Variants in PSMC1 observed in about 807,000 individuals in gnomAD.
PSMC1 encodes the protein proteasome 26S subunit, ATPase 1.
A neutral mutation model predicts 49.8 loss-of-function variants in PSMC1; 5 were observed. The observed-to-expected ratio is 0.10, with a 90% CI of 0.05 to 0.21. The LOEUF (loss-of-function observed/expected upper bound fraction) is 0.21, where lower values mean the gene tolerates loss of function less well. PSMC1 is among the 10% of genes least tolerant of loss of function. The pLI is 1.00. For missense variants in PSMC1, 181 were observed against 535.7 expected, an observed-to-expected ratio of 0.34 and a Z score of 6.54; for synonymous variants, 155 against 192.1, an observed-to-expected ratio of 0.81 and a Z score of 1.60.
chr14:90,256,701 G>T, intron 1 of PSMC1, 101 bp downstream of exon 1: 1 of 1,516,634 alleles, frequency 6.6e-7, no homozygotes, highest in Non-Finnish European at 9.0e-7. Flanking sequence ...AACTGGGACA[G>T]CCCTCTTCTC....
intron 3 of PSMC1, among the ~76,000 whole-genome samples, chr14:90,261,425 T>G (rs1033202363): frequency 4.6e-5 from 7 of 152,332 alleles, no homozygotes; most frequent in African/African-American, 1.7e-4. Context: ...TGGTATGGTA[T>G]TGGTACAGAA....
intron 9 of PSMC1, chr14:90,269,984 A>G (rs1233222790): frequency 1.1e-4 from 58 of 545,100 alleles, no homozygotes; most frequent in Non-Finnish European, 6.3e-6. Flanking sequence ...GAAGGTACCA[A>G]AGCAGAGAGA....
At chr14:90,258,377 G>T (rs1249620739) in intron 1 of PSMC1, among the ~76,000 whole-genome samples, 1 of 152,178 alleles carries the variant, frequency 6.6e-6, no homozygotes, top group East Asian at 1.9e-4. Flanking sequence ...AGAAGTGTTG[G>T]TGTATTAATT....
intron 1 of PSMC1, among the ~76,000 whole-genome samples, chr14:90,258,037 G>A (rs1414480009): frequency 6.6e-6 from 1 of 152,200 alleles, no homozygotes; most frequent in Non-Finnish European, 1.5e-5. Context: ...CACAGTAAGT[G>A]GCTGTGCTGG....
Position 90,272,306 on chromosome 14 carries a change from A to C in PSMC1, c.1222A>C (p.Arg408=). 6.2e-7 allele frequency: 1 copy of C among 1,604,194 alleles called. No individual in the cohort carries two copies. The highest frequency in any genetic ancestry group is 1.3e-5 in the African/African-American group (1 of 74,324). Reference sequence around the variant, plus strand: ...TACAGAAGCTGGTCTGATGGCCTTAAGAGAACGTAGAATGAAAGTAACAAA... The same window carrying C: ...TACAGAAGCTGGTCTGATGGCCTTACGAGAACGTAGAATGAAAGTAACAAA... ...ICTEAGLMAL[R]ERRMKVTNED... Residue 408 remains arginine, a synonymous_variant, in exon 11 of 11, where the codon AGA becomes CGA. Coordinates refer to ENST00000261303, the MANE Select transcript of PSMC1 (RefSeq NM_002802.3). This position sits in a 1 kb window ranked among gnomAD's most constrained non-coding sequence, Gnocchi z 4.5.
chr14:90,263,807 A>T lies in PSMC1; in HGVS notation c.425A>T (p.Asp142Val). 6.2e-7 allele frequency: 1 copy of T among 1,614,166 alleles called. No homozygotes were observed. The highest frequency in any genetic ancestry group is 8.5e-7 in the Non-Finnish European group (1 of 1,179,990). Reference sequence around the variant, plus strand: ...AGCATTCTTTCATTTGTAGACAAGGATCTGCTGGAACCTGGCTGCTCGGTC... The same window carrying T: ...AGCATTCTTTCATTTGTAGACAAGGTTCTGCTGGAACCTGGCTGCTCGGTC... ...YVSILSFVDK[D>V]LLEPGCSVLL... The change falls in exon 5 of 11, where the codon GAT becomes GTT. Residue 142 changes from aspartate to valine, a missense_variant. By Grantham distance (152) the Asp-to-Val change is radical (BLOSUM62 -3). This residue lies in a region of PSMC1 where 121 missense variants were observed against 358.6 expected (regional missense o/e 0.34). Transcript: ENST00000261303.
Position 90,262,232 on chromosome 14 carries a change from G to A in PSMC1, c.155-1086G>A, listed in dbSNP as rs543503029. On this transcript the variant is annotated intron_variant, in intron 3 of 10. Coordinates refer to ENST00000261303, the MANE Select transcript of PSMC1 (RefSeq NM_002802.3). ...TTAATGAGTGCAGCACACCAACATGGCACATGTATGCATATGTAACAAACC... is the reference window on the plus strand; with the variant it reads ...TTAATGAGTGCAGCACACCAACATGACACATGTATGCATATGTAACAAACC... Among the ~76,000 whole-genome samples, 51 of 150,162 alleles carry A rather than the reference G, an allele frequency of 3.4e-4. No individual in the cohort carries two copies. In the Middle Eastern group the frequency reaches 0.01, roughly 30 times the overall value.
chr14:90,259,683 A>G (rs1891359578), intron 2 of PSMC1, among the ~76,000 whole-genome samples: 1 of 152,186 alleles, frequency 6.6e-6, no homozygotes, highest in African/African-American at 2.4e-5. Context: ...GTGCAGTGGC[A>G]TGATCTCGGC....
At chr14:90,269,127 C>CT (rs1233685228) in intron 8 of PSMC1, 8 of 400,058 alleles carry the variant, frequency 2.0e-5, no homozygotes, top group African/African-American at 1.6e-4. Context: ...GTATAAGGCT[C>CT]TGCCTCATGC....
chr14:90,258,548 T>A (rs577785077), intron 1 of PSMC1, among the ~76,000 whole-genome samples: 4 of 152,314 alleles, frequency 2.6e-5, no homozygotes, highest in African/African-American at 7.2e-5. Flanking sequence ...GGAATCCCAC[T>A]GAGTTTATTA....
At chr14:90,271,971 T>C (rs4904666) in intron 10 of PSMC1, 80,085 of 225,624 alleles carry the variant, frequency 0.35, 15,149 homozygotes, top group East Asian at 0.49. Flanking sequence ...CGGCTCACTG[T>C]AACCTCTGCC....
At position 90,272,209 on chromosome 14, in the gene PSMC1, TGGAA is replaced by T; in HGVS notation, c.1189-63_1189-60del. The stretch of plus-strand genomic sequence containing the variant: ...GCGCCTGGCCTCAGAATAGGTTTTT[TGGAA>T]TTCCTTGTTAGAATAAAAATGAGTA... On this transcript the variant is annotated intron_variant, in intron 10 of 10. Coordinates refer to ENST00000261303, the MANE Select transcript of PSMC1 (RefSeq NM_002802.3). The surrounding 1 kb of genome is among the most constrained non-coding windows in gnomAD (Gnocchi z 4.5). 6.3e-7 allele frequency: 1 copy of T among 1,579,398 alleles called. No individual in the cohort carries two copies. Among genetic ancestry groups the T allele is most frequent in the Admixed American group, 1.9e-5 (1 of 52,082 alleles).
intron 3 of PSMC1, among the ~76,000 whole-genome samples, chr14:90,262,303 T>C (rs1016210682): frequency 6.6e-6 from 1 of 151,636 alleles, no homozygotes; most frequent in African/African-American, 2.4e-5. Flanking sequence ...ATAATAATAA[T>C]AAAATTAAAA....
At chr14:90,261,177 T>C (rs1397312601) in intron 3 of PSMC1, among the ~76,000 whole-genome samples, 2 of 152,222 alleles carry the variant, frequency 1.3e-5, no homozygotes, top group Admixed American at 6.5e-5. Flanking sequence ...TTTGTACATA[T>C]CAGGGCCTTT....
At chr14:90,257,168 T>A (rs1308943464) in intron 1 of PSMC1, among the ~76,000 whole-genome samples, 2 of 151,618 alleles carry the variant, frequency 1.3e-5, no homozygotes, top group Admixed American at 6.6e-5. Flanking sequence ...TAGCATTTAT[T>A]CATCAATTCA....
intron 9 of PSMC1, 146 bp from the exon 10 acceptor site, chr14:90,270,052 G>T (rs1393209204): frequency 1.2e-6 from 1 of 801,574 alleles, no homozygotes; most frequent in African/African-American, 1.7e-5. Context: ...AAAAATATAT[G>T]TTTACTTTTT....
intron 9 of PSMC1, 86 bp from the exon 10 acceptor site, chr14:90,270,112 T>A (rs1241000300): frequency 2.1e-6 from 3 of 1,399,254 alleles, no homozygotes; most frequent in Non-Finnish European, 2.9e-6. Flanking sequence ...AAACTTCGTA[T>A]GTAAGGAGAT....
rs60505372 is a variant in PSMC1, at chr14:90,273,385, C to CCATCAT, written c.*982_*983insATCATC. On this transcript the variant is annotated 3_prime_UTR_variant, in exon 11 of 11. Coordinates refer to ENST00000261303, the MANE Select transcript of PSMC1 (RefSeq NM_002802.3). ...CCAGCCTGGCCAACATGGTGAAACC[C>CCATCAT]CATCTTTACTAAAAATACAAAAATT... 1 of 151,658 alleles carries CCATCAT rather than the reference C, an allele frequency of 6.6e-6. No individual in the cohort carries two copies. Among genetic ancestry groups the CCATCAT allele is most frequent in the Non-Finnish European group, 1.5e-5 (1 of 67,888 alleles). The allele number at this position is 151,658 out of a possible 1,614,324, so 9.4% of individuals were successfully genotyped here.
chr14:90,267,311 G>T (rs1022953643), intron 7 of PSMC1, among the ~76,000 whole-genome samples: 47 of 151,946 alleles, frequency 3.1e-4, no homozygotes, highest in African/African-American at 1.1e-3. Context: ...ACAGGCATGT[G>T]CTGGCTAATA....
Sources: gnomAD v4.1 joint callset for allele counts (sites outside exome capture counted in the v4.1 genomes callset) on GRCh38, gnomAD v4.1.1 for gene constraint, gnomAD v4.1.1 regional missense constraint, Gnocchi (gnomAD v3.1) non-coding constraint, MANE v1.5 for transcripts, NCBI Gene and HGNC (gene_info 2026-07-23, HGNC 2026-07-21) for gene names.